Variants in SLC26A7 observed in about 807,000 individuals in gnomAD.
SLC26A7 encodes solute carrier family 26 member 7, also known as anion exchange transporter.
A neutral mutation model predicts 82.5 loss-of-function variants in SLC26A7; 59 were observed. That is an observed-to-expected ratio of 0.72 (90% CI 0.58 to 0.89). The LOEUF (loss-of-function observed/expected upper bound fraction) is 0.89, where lower values mean the gene tolerates loss of function less well. Among genes scored for constraint, SLC26A7 ranks in the 40% least tolerant of loss-of-function variants. The probability of loss-of-function intolerance (pLI) is 0.00; values close to 1 mark genes in which losing one functional copy is unlikely to be tolerated. For missense variants in SLC26A7, 820 were observed against 793.0 expected (o/e 1.03, Z -0.41); for synonymous variants, 271 against 274.3 (o/e 0.99, Z 0.12).
At chr8:91,267,617 A>T (rs1349814399) in intron 2 of SLC26A7, among the ~76,000 whole-genome samples, 1 of 151,526 alleles carries the variant, frequency 6.6e-6, no homozygotes, top group Non-Finnish European at 1.5e-5. Context: ...CTCCTTTTTA[A>T]TATCTGATTT....
chr8:91,391,541 G>A (rs1411905649), intron 16 of SLC26A7, among the ~76,000 whole-genome samples: 1 of 152,068 alleles, frequency 6.6e-6, no homozygotes, highest in Non-Finnish European at 1.5e-5. Flanking sequence ...TGAATACTTC[G>A]TGTTTTCTTC....
At chr8:91,247,243 T>C (rs1417138346), upstream of SLC26A7, among the ~76,000 whole-genome samples, 1 of 152,254 alleles carries the variant, frequency 6.6e-6, no homozygotes, top group Non-Finnish European at 1.5e-5. Flanking sequence ...TTTATTTGTA[T>C]AGGTATTATC....
At chr8:91,391,105 A>C (rs966460558) in intron 16 of SLC26A7, among the ~76,000 whole-genome samples, 5 of 152,130 alleles carry the variant, frequency 3.3e-5, no homozygotes, top group Non-Finnish European at 5.9e-5. Context: ...TTGTGTCTCT[A>C]TTCATTTATA....
chr8:91,341,519 C>G (rs1319620198), intron 8 of SLC26A7, among the ~76,000 whole-genome samples: 1 of 152,156 alleles, frequency 6.6e-6, no homozygotes, highest in Non-Finnish European at 1.5e-5. Context: ...ACTATGTGAC[C>G]TTAATCTTCT....
chr8:91,277,905 A>G (rs1007508309), intron 2 of SLC26A7, among the ~76,000 whole-genome samples: 15 of 122,720 alleles, frequency 1.2e-4, no homozygotes, highest in African/African-American at 4.3e-4. Context: ...TGCTACTACC[A>G]TATATCATTA....
intron 9 of SLC26A7, among the ~76,000 whole-genome samples, chr8:91,345,601 C>A (rs1813541280): frequency 1.3e-5 from 2 of 152,132 alleles, no homozygotes; most frequent in South Asian, 4.2e-4. Flanking sequence ...CTTATTTTAA[C>A]ATTTAATATT....
At chr8:91,323,485 G>C (rs1202711526) in intron 5 of SLC26A7, among the ~76,000 whole-genome samples, 1 of 152,126 alleles carries the variant, frequency 6.6e-6, no homozygotes, top group South Asian at 2.1e-4. Flanking sequence ...TACCAAACAA[G>C]AGATGGCTGG....
intron 2 of SLC26A7, among the ~76,000 whole-genome samples, chr8:91,231,701 A>G (rs534674816): frequency 6.6e-6 from 1 of 152,212 alleles, no homozygotes; most frequent in Non-Finnish European, 1.5e-5. Context: ...AAGAAAAAAA[A>G]TGGAGCCAGT....
intron 2 of SLC26A7, among the ~76,000 whole-genome samples, chr8:91,241,303 G>A (rs1454750715): frequency 2.8e-5 from 4 of 142,860 alleles, no homozygotes; most frequent in Admixed American, 6.9e-5. Context: ...CCTCAACTAC[G>A]TAAAGAAAGA....
chr8:91,283,127 A>G (rs1811619084), intron 2 of SLC26A7, among the ~76,000 whole-genome samples: 1 of 152,232 alleles, frequency 6.6e-6, no homozygotes, highest in South Asian at 2.1e-4. Flanking sequence ...GACTTTTAGA[A>G]GAAGGGTATC....
chr8:91,336,570 GT>G (rs1813248901), intron 6 of SLC26A7, among the ~76,000 whole-genome samples: 1 of 151,904 alleles, frequency 6.6e-6, no homozygotes, highest in Non-Finnish European at 1.5e-5. Context: ...CTGATCCCCG[GT>G]GCCAAAAAGG....
chr8:91,334,213 T>G, intron 5 of SLC26A7, 82 bp from the exon 6 acceptor site: 1 of 1,286,228 alleles, frequency 7.8e-7, no homozygotes, highest in East Asian at 2.4e-5. Context: ...AAAACATCAT[T>G]GAGTTTATTG....
At position 91,262,754 on chromosome 8, in the gene SLC26A7, T is replaced by C. The variant is rs895500438; in HGVS notation, c.193+12910T>C. 7.9e-5 allele frequency among the ~76,000 whole-genome samples: 12 copies of C among 152,188 alleles called. No homozygotes were observed. In the Middle Eastern group the frequency reaches 0.017, roughly 216 times the overall value. On this transcript the variant is annotated intron_variant, in intron 2 of 18. Coordinates refer to ENST00000276609, the MANE Select transcript of SLC26A7 (RefSeq NM_052832.4). ...TTTTGAAGAGGGAGTTTTATTGATA[T>C]TGACTTTAAGAATTACCTCTATTAA...
intron 4 of SLC26A7, among the ~76,000 whole-genome samples, chr8:91,315,560 T>C (rs759932428): frequency 2.0e-5 from 3 of 151,918 alleles, no homozygotes; most frequent in Non-Finnish European, 2.9e-5. Flanking sequence ...GCTAAAAAAA[T>C]GTTAGTAGCA....
At chr8:91,285,836 A>G (rs1173236840) in intron 2 of SLC26A7, among the ~76,000 whole-genome samples, 2 of 152,220 alleles carry the variant, frequency 1.3e-5, no homozygotes, top group African/African-American at 4.8e-5. Flanking sequence ...CCAACAAAAC[A>G]TAGAGTATCT....
intron 5 of SLC26A7, among the ~76,000 whole-genome samples, chr8:91,326,378 T>C (rs1021217059): frequency 2.0e-5 from 3 of 152,104 alleles, no homozygotes; most frequent in African/African-American, 7.2e-5. Context: ...GACTGGTTTC[T>C]TTTGAGGCCT....
intron 18 of SLC26A7, chr8:91,394,773 G>A: frequency 9.5e-7 from 1 of 1,049,020 alleles, no homozygotes; most frequent in Non-Finnish European, 1.2e-6. Flanking sequence ...TTGTTTAACT[G>A]AATTTGCCAT....
At chr8:91,246,488 G>T (rs1247654194), upstream of SLC26A7, among the ~76,000 whole-genome samples, 17 of 152,210 alleles carry the variant, frequency 1.1e-4, no homozygotes, top group Admixed American at 1.0e-3. Flanking sequence ...GGAAAGTTTC[G>T]TGGAAGAGGT....
chr8:91,384,067 A>G (rs1211893963), intron 15 of SLC26A7, among the ~76,000 whole-genome samples: 1 of 152,190 alleles, frequency 6.6e-6, no homozygotes, highest in Non-Finnish European at 1.5e-5. Flanking sequence ...GCTGTAATAA[A>G]TTGCCATGAA....
Sources: gnomAD v4.1 joint callset for allele counts (sites outside exome capture counted in the v4.1 genomes callset) on GRCh38, gnomAD v4.1.1 for gene constraint, MANE v1.5 for transcripts, NCBI Gene and HGNC (gene_info 2026-07-23, HGNC 2026-07-21) for gene names.